Variants in TTC27 observed in about 807,000 individuals in gnomAD.
TTC27 encodes the protein tetratricopeptide repeat domain 27, also known as tetratricopeptide repeat protein 27.
A neutral mutation model predicts 115.9 loss-of-function variants in TTC27; 79 were observed. The ratio of observed to expected loss-of-function variants is 0.68; its 90% confidence interval spans 0.57 to 0.82. The LOEUF (loss-of-function observed/expected upper bound fraction) is 0.82, where lower values mean the gene tolerates loss of function less well. TTC27 is among the 40% of genes least tolerant of loss of function. The pLI, the probability that TTC27 is intolerant of heterozygous loss-of-function variation, is 0.00. For synonymous variants in TTC27, 401 were observed against 356.0 expected, an observed-to-expected ratio of 1.13 and a Z score of -1.42; for missense variants, 1,054 against 993.1, an observed-to-expected ratio of 1.06 and a Z score of -0.82.
chr2:32,651,046 G>T (rs551338276), intron 5 of TTC27, among the ~76,000 whole-genome samples: 23 of 152,232 alleles, frequency 1.5e-4, no homozygotes, highest in Admixed American at 1.3e-4. Flanking sequence ...TTCTCTTGTG[G>T]TGAAGGAATA....
chr2:32,637,811 G>A (rs1212366623), intron 3 of TTC27, among the ~76,000 whole-genome samples: 1 of 152,144 alleles, frequency 6.6e-6, no homozygotes, highest in Non-Finnish European at 1.5e-5. Context: ...TATATTCACT[G>A]TACATTCAGT....
At chr2:32,637,842 C>G (rs1664488304) in intron 3 of TTC27, among the ~76,000 whole-genome samples, 1 of 152,200 alleles carries the variant, frequency 6.6e-6, no homozygotes, top group East Asian at 1.9e-4. Context: ...GGGGTTCTCA[C>G]AGAATACCTC....
chr2:32,812,890 A>G (rs1671364069), intron 18 of TTC27, among the ~76,000 whole-genome samples: 1 of 152,204 alleles, frequency 6.6e-6, no homozygotes, highest in African/African-American at 2.4e-5. Context: ...CATCTTTACA[A>G]CTTTGTATAA....
chr2:32,809,973 C>T (rs1456333238), intron 16 of TTC27, among the ~76,000 whole-genome samples: 15 of 152,042 alleles, frequency 9.9e-5, no homozygotes, highest in African/African-American at 3.6e-4. Context: ...AAAAATTAGC[C>T]AGGCATGGTG....
intron 8 of TTC27, among the ~76,000 whole-genome samples, chr2:32,674,735 C>T (rs867975760): frequency 6.6e-6 from 1 of 151,722 alleles, no homozygotes. Context: ...TCTCGGCTCA[C>T]TGCAAGCTCC....
At chr2:32,802,922 CAATTT>C in intron 16 of TTC27, among the ~76,000 whole-genome samples, 1 of 152,176 alleles carries the variant, frequency 6.6e-6, no homozygotes, top group East Asian at 1.9e-4. Context: ...ATAGTCTATT[CAATTT>C]GTTTATTTTA....
At chr2:32,733,775 TTTATA>T (rs1438900204) in intron 10 of TTC27, 48 bp from the exon 11 acceptor site, 13 of 1,163,196 alleles carry the variant, frequency 1.1e-5, no homozygotes, top group Middle Eastern at 2.0e-4. Flanking sequence ...TAAGGACTTA[TTTATA>T]TTATAAGTTA....
intron 13 of TTC27, among the ~76,000 whole-genome samples, chr2:32,776,582 AT>A (rs912329093): frequency 7.9e-5 from 12 of 152,152 alleles, no homozygotes; most frequent in African/African-American, 2.4e-4. Flanking sequence ...ATTCCATTGA[AT>A]TTTTGTTAGT....
intron 10 of TTC27, among the ~76,000 whole-genome samples, chr2:32,726,833 A>G (rs1032476623): frequency 1.3e-5 from 2 of 152,208 alleles, no homozygotes; most frequent in South Asian, 2.1e-4. Flanking sequence ...ATGGACTTAC[A>G]GTTTCACGTG....
intron 10 of TTC27, among the ~76,000 whole-genome samples, chr2:32,710,161 A>G (rs780800027): frequency 2.4e-4 from 37 of 152,026 alleles, no homozygotes; most frequent in Admixed American, 1.1e-3. Context: ...GACTATAGGC[A>G]TGCACCACCG....
At chr2:32,776,112 T>A (rs529394254) in intron 13 of TTC27, among the ~76,000 whole-genome samples, 10 of 152,328 alleles carry the variant, frequency 6.6e-5, no homozygotes, top group Admixed American at 2.0e-4. Context: ...AGTAGACATA[T>A]ATCCATCCTC....
rs552243654 is a variant in TTC27, at chr2:32,689,400, CA to C, written c.1119+10480del. 2.8e-3 allele frequency among the ~76,000 whole-genome samples: 429 copies of C among 152,146 alleles called. 6 individuals carry two copies. Among genetic ancestry groups the C allele is most frequent in the African/African-American group, 9.7e-3 (404 of 41,532 alleles). The stretch of plus-strand genomic sequence containing the variant: ...AGATTATCAATATAGACTTGGGTTT[CA>C]ATATTGATTATTCTATGCCACCAGT... On this transcript the variant is annotated intron_variant, in intron 9 of 19. Transcript: ENST00000317907.
chr2:32,738,677 CAA>C (rs1165752124), intron 12 of TTC27, among the ~76,000 whole-genome samples: 1 of 152,022 alleles, frequency 6.6e-6, no homozygotes, highest in Non-Finnish European at 1.5e-5. Context: ...GGCACTGAAA[CAA>C]AAAGTTATTG....
chr2:32,670,372 C>T (rs1288775265), intron 7 of TTC27, among the ~76,000 whole-genome samples: 1 of 152,170 alleles, frequency 6.6e-6, no homozygotes, highest in Non-Finnish European at 1.5e-5. Context: ...AGAGTGCCGC[C>T]ATAGTTCTTT....
At chr2:32,673,683 A>G (rs1439739018) in intron 8 of TTC27, among the ~76,000 whole-genome samples, 1 of 152,144 alleles carries the variant, frequency 6.6e-6, no homozygotes, top group Admixed American at 6.5e-5. Flanking sequence ...CTCCAAAGTT[A>G]TTCATTTATT....
At chr2:32,669,668 T>C in intron 7 of TTC27, among the ~76,000 whole-genome samples, 1 of 151,994 alleles carries the variant, frequency 6.6e-6, no homozygotes, top group Non-Finnish European at 1.5e-5. Context: ...GAGGATCACT[T>C]GAGGTCAGGA....
intron 6 of TTC27, among the ~76,000 whole-genome samples, chr2:32,665,666 G>A (rs1002724472): frequency 2.0e-5 from 3 of 152,040 alleles, no homozygotes; most frequent in Non-Finnish European, 4.4e-5. Context: ...AGGCTGAGGC[G>A]GGCAGATCAT....
At chr2:32,811,748 C>T (rs1671323673) in intron 17 of TTC27, among the ~76,000 whole-genome samples, 1 of 152,204 alleles carries the variant, frequency 6.6e-6, no homozygotes, top group Non-Finnish European at 1.5e-5. Context: ...TCAAGTTATG[C>T]CTTTAGCCTC....
At chr2:32,674,234 T>G (rs1553548573) in intron 8 of TTC27, among the ~76,000 whole-genome samples, 1 of 150,850 alleles carries the variant, frequency 6.6e-6, no homozygotes, top group Non-Finnish European at 1.5e-5. Context: ...CACTGCAACC[T>G]CCGCCTCCCA....
Sources: gnomAD v4.1 joint callset for allele counts (sites outside exome capture counted in the v4.1 genomes callset) on GRCh38, gnomAD v4.1.1 for gene constraint, MANE v1.5 for transcripts, NCBI Gene and HGNC (gene_info 2026-07-23, HGNC 2026-07-21) for gene names.